PARD3B: variants seen among roughly 807,000 people sequenced by gnomAD.
The protein encoded by PARD3B is par-3 family cell polarity regulator beta.
A neutral mutation model predicts 130.2 loss-of-function variants in PARD3B; 103 were observed. That is an observed-to-expected ratio of 0.79 (90% confidence interval 0.67 to 0.93). The LOEUF is 0.93. Ranked by LOEUF, PARD3B falls within the 40% of genes least tolerant of loss-of-function variation. The pLI, the probability that PARD3B is intolerant of heterozygous loss-of-function variation, is 0.00. For synonymous variants in PARD3B, 583 were observed against 553.2 expected (o/e 1.05, Z -0.76); for missense variants, 1,609 against 1,499.2 (o/e 1.07, Z -1.21).
At position 205,268,187 on chromosome 2, in the gene PARD3B, C is replaced by A. The variant is rs1055694342; in HGVS notation, c.2185+22365C>A. 2.0e-5 allele frequency among the ~76,000 whole-genome samples: 3 copies of A among 152,208 alleles called. No individual in the cohort carries two copies. Among genetic ancestry groups the A allele is most frequent in the Non-Finnish European group, 4.4e-5 (3 of 68,034 alleles). ...TAATACCAAGCCCAAGAAGGAACTGCTGATCATCAGGGATCTGATCACAAA... is the reference window on the plus strand; with the variant it reads ...TAATACCAAGCCCAAGAAGGAACTGATGATCATCAGGGATCTGATCACAAA... On this transcript the variant is annotated intron_variant, in intron 16 of 22. Coordinates refer to ENST00000406610, the MANE Select transcript of PARD3B (RefSeq NM_001302769.2). This position sits in a 1 kb window ranked among gnomAD's most constrained non-coding sequence, Gnocchi z 4.1.
chr2:205,288,473 T>C lies in PARD3B; in HGVS notation c.2186-12057T>C, dbSNP rs1214195574. 6.6e-6 allele frequency among the ~76,000 whole-genome samples: 1 copy of C among 152,190 alleles called. No individual in the cohort carries two copies. Among genetic ancestry groups the C allele is most frequent in the Non-Finnish European group, 1.5e-5 (1 of 68,032 alleles). ...CTTTCCCTTTAATTTATTCTATGTGTGTCTTCCATATTATTTTTTCTCTGA... is the reference window on the plus strand; with the variant it reads ...CTTTCCCTTTAATTTATTCTATGTGCGTCTTCCATATTATTTTTTCTCTGA... On this transcript the variant is annotated intron_variant, in intron 16 of 22. Coordinates refer to ENST00000406610, the MANE Select transcript of PARD3B (RefSeq NM_001302769.2). This position sits in a 1 kb window ranked among gnomAD's most constrained non-coding sequence, Gnocchi z 4.0.
intron 1 of PARD3B, among the ~76,000 whole-genome samples, chr2:204,557,231 C>T (rs886622387): frequency 3.3e-5 from 5 of 152,108 alleles, no homozygotes; most frequent in African/African-American, 4.8e-5. Context: ...TATCTGCCTG[C>T]CTCTGGACTT....
chr2:205,289,407 T>G (rs974858260), intron 16 of PARD3B, among the ~76,000 whole-genome samples: 2 of 152,194 alleles, frequency 1.3e-5, no homozygotes, highest in Non-Finnish European at 2.9e-5. Flanking sequence ...GAATATTTGC[T>G]GTTGCCAGGT....
intron 2 of PARD3B, among the ~76,000 whole-genome samples, chr2:204,834,101 T>C (rs948284365): frequency 6.6e-6 from 1 of 152,238 alleles, no homozygotes; most frequent in Non-Finnish European, 1.5e-5. Flanking sequence ...AGGAACTACC[T>C]TGGCATTTCT....
intron 4 of PARD3B, among the ~76,000 whole-genome samples, chr2:205,079,750 A>G (rs1201204811): frequency 6.6e-6 from 1 of 152,152 alleles, no homozygotes; most frequent in East Asian, 1.9e-4. Flanking sequence ...GATAATATAA[A>G]CCATAAATTT....
chr2:205,395,343 T>G (rs1468039281), intron 18 of PARD3B, among the ~76,000 whole-genome samples: 2 of 152,216 alleles, frequency 1.3e-5, no homozygotes, highest in African/African-American at 2.4e-5. Context: ...AGTCCTCACC[T>G]CGTTGGGCAT....
chr2:205,358,345 T>C (rs536047271), intron 18 of PARD3B, among the ~76,000 whole-genome samples: 136 of 152,304 alleles, frequency 8.9e-4, no homozygotes, highest in African/African-American at 3.2e-3. Flanking sequence ...TCTGATAAGA[T>C]TCATTTGGGC....
At chr2:204,721,481 C>T (rs904079632) in intron 2 of PARD3B, among the ~76,000 whole-genome samples, 1 of 151,976 alleles carries the variant, frequency 6.6e-6, no homozygotes, top group Non-Finnish European at 1.5e-5. Flanking sequence ...TTTATAGATT[C>T]AGTTAGAAAT....
chr2:204,843,981 A>G (rs551603693), intron 2 of PARD3B, among the ~76,000 whole-genome samples: 2 of 152,280 alleles, frequency 1.3e-5, no homozygotes, highest in Admixed American at 1.3e-4. Context: ...CTTATGAGTA[A>G]TGGCAATGCA....
At chr2:205,326,957 C>G (rs2042958858) in intron 18 of PARD3B, among the ~76,000 whole-genome samples, 1 of 152,140 alleles carries the variant, frequency 6.6e-6, no homozygotes, top group Non-Finnish European at 1.5e-5. Flanking sequence ...CTCTTCGGTG[C>G]TATTTATTAC....
At chr2:204,824,661 T>C (rs2043499270) in intron 2 of PARD3B, among the ~76,000 whole-genome samples, 3 of 152,158 alleles carry the variant, frequency 2.0e-5, no homozygotes, top group Admixed American at 2.0e-4. Flanking sequence ...TTCCCAAATA[T>C]TTAAGTAAAG....
intron 4 of PARD3B, among the ~76,000 whole-genome samples, chr2:205,071,906 G>A (rs1482220272): frequency 6.6e-6 from 1 of 151,870 alleles, no homozygotes; most frequent in Non-Finnish European, 1.5e-5. Flanking sequence ...GCAAAACACT[G>A]GTCATTACAT....
chr2:205,108,585 G>A (rs1213901538), intron 5 of PARD3B, among the ~76,000 whole-genome samples: 2 of 151,536 alleles, frequency 1.3e-5, no homozygotes, highest in African/African-American at 4.9e-5. Flanking sequence ...CCATACAGTT[G>A]ACTTTCTCTC....
At chr2:204,802,234 G>A (rs1299054733) in intron 2 of PARD3B, among the ~76,000 whole-genome samples, 1 of 152,124 alleles carries the variant, frequency 6.6e-6, no homozygotes, top group African/African-American at 2.4e-5. Flanking sequence ...ATAAACATAT[G>A]AACAAAAGCT....
chr2:204,711,147 G>A (rs1037787273), intron 2 of PARD3B, among the ~76,000 whole-genome samples: 1 of 152,076 alleles, frequency 6.6e-6, no homozygotes, highest in Non-Finnish European at 1.5e-5. Flanking sequence ...TTAAATTATA[G>A]CATATTTTGT....
In PARD3B at chr2:205,456,890, A is replaced by G. The variant is rs2048295215; in HGVS notation, c.3044+16218A>G. Among the ~76,000 whole-genome samples, 4 of 149,926 alleles carry G rather than the reference A, an allele frequency of 2.7e-5. 1 individual carries two copies. Among genetic ancestry groups the G allele is most frequent in the South Asian group, 2.1e-4 (1 of 4,810 alleles). On this transcript the variant is annotated intron_variant, in intron 20 of 22. Coordinates refer to ENST00000406610, the MANE Select transcript of PARD3B (RefSeq NM_001302769.2). Reference sequence around the variant, plus strand: ...AATTTAATAAATATTAAATTGAATAATCAATTTAATATTGTATTATGAAAT... The same window carrying G: ...AATTTAATAAATATTAAATTGAATAGTCAATTTAATATTGTATTATGAAAT...
intron 21 of PARD3B, among the ~76,000 whole-genome samples, chr2:205,505,515 A>T (rs2106356424): frequency 6.6e-6 from 1 of 152,346 alleles, no homozygotes; most frequent in East Asian, 1.9e-4. Context: ...AGCTCTGAAA[A>T]GCTGTAAAGA....
chr2:205,216,581 G>A (rs1385522768), intron 15 of PARD3B, among the ~76,000 whole-genome samples: 1 of 152,038 alleles, frequency 6.6e-6, no homozygotes, highest in Non-Finnish European at 1.5e-5. Context: ...ATGGTAAAAA[G>A]AAATGCAGAT....
At position 205,572,818 on chromosome 2, in the gene PARD3B, A is replaced by G. The variant is rs2053606493; in HGVS notation, c.3260+19415A>G. 1.3e-5 allele frequency among the ~76,000 whole-genome samples: 2 copies of G among 152,204 alleles called. No individual in the cohort carries two copies. On this transcript the variant is annotated intron_variant, in intron 22 of 22. Transcript: ENST00000406610. This position sits in a 1 kb window ranked among gnomAD's most constrained non-coding sequence, Gnocchi z 4.2. ...GTGAAACTGTTTATGTGGTCCCTACAAAAGATGCTGAAAGCCTGAAATGAG... is the reference window on the plus strand; with the variant it reads ...GTGAAACTGTTTATGTGGTCCCTACGAAAGATGCTGAAAGCCTGAAATGAG...
Sources: gnomAD v4.1 joint callset for allele counts (sites outside exome capture counted in the v4.1 genomes callset) on GRCh38, gnomAD v4.1.1 for gene constraint, Gnocchi (gnomAD v3.1) non-coding constraint, MANE v1.5 for transcripts, NCBI Gene and HGNC (gene_info 2026-07-23, HGNC 2026-07-21) for gene names.